The following CNTNAP5 variants were observed in gnomAD, a reference collection of about 807,000 sequenced individuals.
The protein encoded by CNTNAP5 is contactin-associated protein-like 5.
Under a neutral mutation model 150.2 loss-of-function variants are expected in CNTNAP5, and 72 were observed. That is an observed-to-expected ratio of 0.48 (90% CI 0.40 to 0.58). The LOEUF is 0.58. CNTNAP5 is among the 20% of genes least tolerant of loss of function. The pLI is 0.00. For missense variants in CNTNAP5, 1,636 were observed against 1,626.2 expected (o/e 1.01, Z -0.10); for synonymous variants, 672 against 619.8 (o/e 1.08, Z -1.25).
At chr2:124,566,242 G>A (rs1696021685) in intron 11 of CNTNAP5, among the ~76,000 whole-genome samples, 1 of 152,068 alleles carries the variant, frequency 6.6e-6, no homozygotes, top group Non-Finnish European at 1.5e-5. Flanking sequence ...GAAACATGAA[G>A]ATTTAAGTCA....
At chr2:124,547,218 G>A (rs1216695674) in intron 10 of CNTNAP5, among the ~76,000 whole-genome samples, 1 of 152,168 alleles carries the variant, frequency 6.6e-6, no homozygotes, top group African/African-American at 2.4e-5. Flanking sequence ...TTGAATGACA[G>A]ATGAGTGAGG....
chr2:124,310,139 G>A (rs1003060428), intron 3 of CNTNAP5, among the ~76,000 whole-genome samples: 10 of 151,916 alleles, frequency 6.6e-5, no homozygotes, highest in African/African-American at 2.2e-4. Context: ...ATCTCCCAGG[G>A]TGTTTATTGT....
intron 1 of CNTNAP5, among the ~76,000 whole-genome samples, chr2:124,085,431 T>A (rs898937326): frequency 1.3e-5 from 2 of 152,118 alleles, no homozygotes; most frequent in African/African-American, 2.4e-5. Flanking sequence ...CTCTTTCCTT[T>A]GTCAGTTTTG....
At chr2:124,850,445 A>G (rs1683131836) in intron 19 of CNTNAP5, among the ~76,000 whole-genome samples, 1 of 152,166 alleles carries the variant, frequency 6.6e-6, no homozygotes, top group African/African-American at 2.4e-5. Flanking sequence ...GGAGCAATGC[A>G]CACCAAAGAA....
intron 10 of CNTNAP5, among the ~76,000 whole-genome samples, chr2:124,557,951 A>T (rs1203227736): frequency 1.3e-5 from 2 of 152,118 alleles, no homozygotes; most frequent in East Asian, 1.9e-4. Flanking sequence ...AAAAGGGAAA[A>T]GTGTAGGGGT....
intron 6 of CNTNAP5, among the ~76,000 whole-genome samples, chr2:124,451,472 A>G (rs1692981150): frequency 6.6e-6 from 1 of 152,086 alleles, no homozygotes; most frequent in African/African-American, 2.4e-5. Context: ...AAAAAAATCT[A>G]TATAATTATG....
chr2:124,048,980 A>G lies in CNTNAP5; in HGVS notation c.82+23248A>G, dbSNP rs758565991. ...CTTTCTTTAATGGCAATTTTCTCCA[A>G]TGCTTTTGATATATCAATGTGCAAG... On this transcript the variant is annotated intron_variant, in intron 1 of 23. Transcript: ENST00000682447. Among the ~76,000 whole-genome samples, 7 of 152,234 alleles carry G rather than the reference A, an allele frequency of 4.6e-5. No individual in the cohort carries two copies. In the East Asian group the frequency reaches 1.2e-3, roughly 25 times the overall value.
intron 1 of CNTNAP5, among the ~76,000 whole-genome samples, chr2:124,064,257 G>T (rs570199301): frequency 3.0e-4 from 45 of 152,266 alleles, no homozygotes; most frequent in African/African-American, 9.9e-4. Flanking sequence ...AAATTGGCCT[G>T]TTACATGCTT....
intron 1 of CNTNAP5, among the ~76,000 whole-genome samples, chr2:124,200,724 C>T (rs1484547084): frequency 1.3e-5 from 2 of 152,220 alleles, no homozygotes; most frequent in Admixed American, 1.3e-4. Flanking sequence ...GCTGCAGGCA[C>T]TTATGTCCTG....
intron 13 of CNTNAP5, among the ~76,000 whole-genome samples, chr2:124,715,893 C>T (rs571633690): frequency 6.6e-6 from 1 of 152,234 alleles, no homozygotes; most frequent in South Asian, 2.1e-4. Context: ...ACCAAGTCCC[C>T]TTCTCAAAAT....
intron 6 of CNTNAP5, among the ~76,000 whole-genome samples, chr2:124,447,898 G>C (rs1471392094): frequency 6.6e-6 from 1 of 152,106 alleles, no homozygotes; most frequent in African/African-American, 2.4e-5. Context: ...GTTTGAGTCA[G>C]CTTGTTACCA....
At chr2:124,194,562 G>A (rs1677750240) in intron 1 of CNTNAP5, among the ~76,000 whole-genome samples, 1 of 150,656 alleles carries the variant, frequency 6.6e-6, no homozygotes, top group African/African-American at 2.4e-5. Context: ...TTTGAAAATG[G>A]TTTACTTCCA....
chr2:124,316,296 G>A (rs533180028), intron 3 of CNTNAP5, among the ~76,000 whole-genome samples: 47 of 152,248 alleles, frequency 3.1e-4, no homozygotes, highest in African/African-American at 1.1e-3. Context: ...TGGGGTCGGA[G>A]GACCTGAATA....
chr2:124,879,041 A>G (rs1677915747), intron 21 of CNTNAP5, among the ~76,000 whole-genome samples: 1 of 152,058 alleles, frequency 6.6e-6, no homozygotes, highest in African/African-American at 2.4e-5. Flanking sequence ...CCCACCTGAA[A>G]TTATTTAAAC....
intron 13 of CNTNAP5, among the ~76,000 whole-genome samples, chr2:124,726,246 C>T (rs1467066366): frequency 6.6e-6 from 1 of 152,162 alleles, no homozygotes; most frequent in African/African-American, 2.4e-5. Context: ...TGTGTCCCCA[C>T]CCAAATTGCA....
At chr2:124,050,137 T>C (rs1184633477) in intron 1 of CNTNAP5, among the ~76,000 whole-genome samples, 1 of 152,144 alleles carries the variant, frequency 6.6e-6, no homozygotes, top group Non-Finnish European at 1.5e-5. Context: ...CACTCATTGA[T>C]AGATATTCTT....
At chr2:124,706,651 G>A (rs549588967) in intron 13 of CNTNAP5, among the ~76,000 whole-genome samples, 1 of 151,796 alleles carries the variant, frequency 6.6e-6, no homozygotes, top group South Asian at 2.1e-4. Flanking sequence ...GGAGGCTGAG[G>A]CAGGAGAATG....
At chr2:124,093,138 G>A (rs2104688069) in intron 1 of CNTNAP5, among the ~76,000 whole-genome samples, 1 of 152,322 alleles carries the variant, frequency 6.6e-6, no homozygotes, top group Non-Finnish European at 1.5e-5. Flanking sequence ...CTCACAATTA[G>A]TACATATCAG....
At position 124,763,973 on chromosome 2, in the gene CNTNAP5, G is replaced by A. The variant is rs1036778544; in HGVS notation, c.2363-4G>A. On this transcript the variant is annotated splice_polypyrimidine_tract_variant and splice_region_variant and intron_variant, in intron 15 of 23. Coordinates refer to ENST00000682447, the MANE Select transcript of CNTNAP5 (RefSeq NM_001367498.1). The stretch of plus-strand genomic sequence containing the variant: ...ACCATGTTGAAGGATTTTCTCATTT[G>A]CAGGACGCTTCTGGAACGCCGTCTC... The A allele has an allele frequency of 6.2e-7, 1 of 1,609,326 alleles. No homozygotes were observed. The highest frequency in any genetic ancestry group is 8.5e-7 in the Non-Finnish European group (1 of 1,177,662).
Sources: allele counts gnomAD v4.1 joint callset (sites outside exome capture counted in the v4.1 genomes callset), GRCh38; gene constraint gnomAD v4.1.1; transcripts MANE v1.5; gene names NCBI Gene and HGNC (gene_info 2026-07-23, HGNC 2026-07-21).